The following SLC25A21 variants were observed in gnomAD, a reference collection of about 807,000 sequenced individuals.
SLC25A21 encodes mitochondrial 2-oxodicarboxylate carrier.
Under a neutral mutation model 43.8 loss-of-function variants are expected in SLC25A21, and 47 were observed. The ratio of observed to expected loss-of-function variants is 1.07; its 90% confidence interval spans 0.85 to 1.37. SLC25A21 has a LOEUF of 1.37. Among genes scored for constraint, SLC25A21 ranks in the 40% most tolerant of loss-of-function variants. The probability of loss-of-function intolerance (pLI) is 0.00; values close to 1 mark genes in which losing one functional copy is unlikely to be tolerated. For missense variants in SLC25A21, 352 were observed against 350.2 expected (o/e 1.00, Z -0.04); for synonymous variants, 131 against 121.3 (o/e 1.08, Z -0.52).
intron 4 of SLC25A21, among the ~76,000 whole-genome samples, chr14:36,732,250 TG>T (rs1884855553): frequency 6.6e-6 from 1 of 152,028 alleles, no homozygotes; most frequent in African/African-American, 2.4e-5. Flanking sequence ...ATACTATGAT[TG>T]GTATAGGTAT....
Position 36,678,453 on chromosome 14 carries a change from T to C in SLC25A21, c.*2205A>G. On this transcript the variant is annotated 3_prime_UTR_variant, in exon 10 of 10. Transcript: ENST00000331299. Reference sequence around the variant, plus strand: ...GGGCCATAGTCTTCCTTTGATCTTGTAAAACTTCCATTGACATCTGGAGTT... The same window carrying C: ...GGGCCATAGTCTTCCTTTGATCTTGCAAAACTTCCATTGACATCTGGAGTT... 1 of 1,516,464 alleles carries C rather than the reference T, an allele frequency of 6.6e-7. No individual in the cohort carries two copies. The highest frequency in any genetic ancestry group is 8.9e-7 in the Non-Finnish European group (1 of 1,127,916). 93.9% of individuals were successfully genotyped at this position (1,516,464 alleles called of 1,614,324 possible).
intron 2 of SLC25A21, among the ~76,000 whole-genome samples, chr14:36,817,857 G>T (rs938747189): frequency 1.3e-5 from 2 of 152,136 alleles, no homozygotes; most frequent in Non-Finnish European, 2.9e-5. Flanking sequence ...TTGTGCAAAC[G>T]TGTATACAGA....
In SLC25A21 at chr14:37,046,420, G is replaced by A. The variant is rs933217097; in HGVS notation, c.70+125861C>T. Among the ~76,000 whole-genome samples the A allele has an allele frequency of 5.9e-5, 9 of 152,156 alleles. No individual in the cohort carries two copies. The South Asian group carries it at 1.9e-3, about 32-fold the overall frequency. On this transcript the variant is annotated intron_variant, in intron 1 of 9. Transcript: ENST00000331299. ...TGCTTCATGTGAAGCAGGTAGCTGG[G>A]CAGGGAAAGGATTAAGTAGCTTCAA...
intron 3 of SLC25A21, among the ~76,000 whole-genome samples, chr14:36,777,558 T>C (rs1001190212): frequency 6.6e-6 from 1 of 152,072 alleles, no homozygotes; most frequent in Non-Finnish European, 1.5e-5. Flanking sequence ...AATGAGAAGA[T>C]ACTCAAAGAA....
intron 1 of SLC25A21, among the ~76,000 whole-genome samples, chr14:37,049,445 G>A (rs1961658759): frequency 6.6e-6 from 1 of 152,016 alleles, no homozygotes; most frequent in Non-Finnish European, 1.5e-5. Flanking sequence ...GGTGGTGTGT[G>A]CCTACAGTCC....
intron 1 of SLC25A21, among the ~76,000 whole-genome samples, chr14:37,105,812 A>G (rs571823025): frequency 6.6e-6 from 1 of 152,280 alleles, no homozygotes; most frequent in Non-Finnish European, 1.5e-5. Flanking sequence ...CTGTCATTTC[A>G]TCATATAGCC....
At chr14:36,959,929 T>A (rs1024425401) in intron 1 of SLC25A21, among the ~76,000 whole-genome samples, 1 of 152,210 alleles carries the variant, frequency 6.6e-6, no homozygotes, top group African/African-American at 2.4e-5. Context: ...GATCATATAA[T>A]GTCCAGCATG....
intron 7 of SLC25A21, among the ~76,000 whole-genome samples, chr14:36,710,343 A>G (rs1484195708): frequency 6.6e-6 from 1 of 152,006 alleles, no homozygotes; most frequent in Non-Finnish European, 1.5e-5. Context: ...ATTGTACTCC[A>G]GCCTGGGTGA....
chr14:37,018,948 T>C (rs921879493), intron 1 of SLC25A21, among the ~76,000 whole-genome samples: 2 of 152,034 alleles, frequency 1.3e-5, no homozygotes, highest in African/African-American at 2.4e-5. Flanking sequence ...ACTCTGAATA[T>C]AGCTGTGGGT....
intron 1 of SLC25A21, among the ~76,000 whole-genome samples, chr14:36,939,911 T>A (rs756062042): frequency 1.3e-5 from 2 of 152,180 alleles, no homozygotes; most frequent in Non-Finnish European, 2.9e-5. Flanking sequence ...TTTCTAATTG[T>A]TTCACATATC....
chr14:36,880,224 T>C (rs1187380572), intron 1 of SLC25A21, among the ~76,000 whole-genome samples: 1 of 152,152 alleles, frequency 6.6e-6, no homozygotes, highest in Non-Finnish European at 1.5e-5. Context: ...CTTTCTCCCA[T>C]CTTACTAGTG....
chr14:36,777,470 T>C (rs1337571032), intron 3 of SLC25A21, among the ~76,000 whole-genome samples: 1 of 152,168 alleles, frequency 6.6e-6, no homozygotes, highest in African/African-American at 2.4e-5. Context: ...GTAATTATGT[T>C]AAGAATCTCA....
intron 3 of SLC25A21, among the ~76,000 whole-genome samples, chr14:36,761,637 C>G (rs1447386722): frequency 6.6e-6 from 1 of 152,188 alleles, no homozygotes; most frequent in African/African-American, 2.4e-5. Flanking sequence ...TTACACTGGT[C>G]TCTTGATCTT....
chr14:36,693,719 A>T (rs1322153778), intron 7 of SLC25A21, among the ~76,000 whole-genome samples: 2 of 152,054 alleles, frequency 1.3e-5, no homozygotes, highest in Non-Finnish European at 2.9e-5. Flanking sequence ...CTGTAACCAC[A>T]ACCTCCTGGG....
Position 36,679,299 on chromosome 14 carries a change from A to G in SLC25A21, c.*1359T>C, listed in dbSNP as rs1882075903. 1 of 975,706 alleles carries G rather than the reference A, an allele frequency of 1.0e-6. No individual in the cohort carries two copies. The highest frequency in any genetic ancestry group is 4.7e-5 in the South Asian group (1 of 21,068). 60.4% of individuals were successfully genotyped at this position (975,706 alleles called of 1,614,324 possible). A position where few individuals can be genotyped will look rare whatever the true frequency, so the allele number is the denominator to read the frequency against. On this transcript the variant is annotated 3_prime_UTR_variant, in exon 10 of 10. Coordinates refer to ENST00000331299, the MANE Select transcript of SLC25A21 (RefSeq NM_030631.4). ...AACAGAAGGCTATGTATGTATATAC[A>G]GTATGTCAAAAGCCTTTTATTTTTA...
intron 3 of SLC25A21, among the ~76,000 whole-genome samples, chr14:36,803,682 T>C (rs1887944568): frequency 6.6e-6 from 1 of 152,220 alleles, no homozygotes; most frequent in African/African-American, 2.4e-5. Flanking sequence ...CACAATGAGC[T>C]GTTTATCAGC....
At chr14:36,733,977 A>G (rs148885869) in intron 4 of SLC25A21, among the ~76,000 whole-genome samples, 20 of 152,322 alleles carry the variant, frequency 1.3e-4, no homozygotes, top group Non-Finnish European at 2.6e-4. Context: ...TTTTGTTAAG[A>G]ACCAGAATAG....
At chr14:37,049,483 G>T (rs1342325765) in intron 1 of SLC25A21, among the ~76,000 whole-genome samples, 3 of 152,034 alleles carry the variant, frequency 2.0e-5, no homozygotes, top group Non-Finnish European at 4.4e-5. Context: ...GAAGTGGGAG[G>T]ATTACTTGAG....
chr14:37,114,646 A>C (rs537027377), intron 1 of SLC25A21, among the ~76,000 whole-genome samples: 1 of 152,326 alleles, frequency 6.6e-6, no homozygotes, highest in Non-Finnish European at 1.5e-5. Flanking sequence ...TAGAAGTATG[A>C]AATCGCTGTG....
Sources: allele counts gnomAD v4.1 joint callset (sites outside exome capture counted in the v4.1 genomes callset), GRCh38; gene constraint gnomAD v4.1.1; transcripts MANE v1.5; gene names NCBI Gene and HGNC (gene_info 2026-07-23, HGNC 2026-07-21).